ARHGAP44: variants seen among roughly 807,000 people sequenced by gnomAD.
ARHGAP44 encodes the protein Rho GTPase activating protein 44, also known as rho GTPase-activating protein 44.
In ARHGAP44, 43 loss-of-function variants were observed where a neutral mutation model predicts 106.8. The observed-to-expected ratio is 0.40, with a 90% CI of 0.32 to 0.52. ARHGAP44 has a LOEUF of 0.52. ARHGAP44 is among the 20% of genes least tolerant of loss of function. The probability of loss-of-function intolerance (pLI) is 0.48; values close to 1 mark genes in which losing one functional copy is unlikely to be tolerated. For synonymous variants in ARHGAP44, 439 were observed against 410.3 expected (o/e 1.07, Z -0.85); for missense variants, 866 against 1,050.5 (o/e 0.82, Z 2.43).
intron 7 of ARHGAP44, among the ~76,000 whole-genome samples, chr17:12,930,157 T>A (rs1207742087): frequency 1.3e-5 from 2 of 152,214 alleles, no homozygotes; most frequent in African/African-American, 4.8e-5. Flanking sequence ...CTGGCGTGTG[T>A]GGTATTCCTG....
intron 1 of ARHGAP44, among the ~76,000 whole-genome samples, chr17:12,861,280 G>A (rs897192853): frequency 5.3e-5 from 8 of 152,164 alleles, no homozygotes; most frequent in African/African-American, 1.9e-4. Flanking sequence ...GTGAGCCACC[G>A]TGTGCCTGGC....
At chr17:12,970,967 C>T (rs1419560059) in intron 16 of ARHGAP44, among the ~76,000 whole-genome samples, 2 of 152,100 alleles carry the variant, frequency 1.3e-5, no homozygotes, top group Non-Finnish European at 2.9e-5. Context: ...TTGCTGCTGC[C>T]GTTGTGATTG....
intron 20 of ARHGAP44, chr17:12,987,527 C>G (rs1355769727): frequency 5.8e-6 from 1 of 172,204 alleles, no homozygotes; most frequent in African/African-American, 2.4e-5. Flanking sequence ...CGCTTGTGCC[C>G]AGCACCCTGG....
intron 1 of ARHGAP44, among the ~76,000 whole-genome samples, chr17:12,842,223 C>A (rs956211267): frequency 2.0e-5 from 3 of 151,558 alleles, no homozygotes; most frequent in Admixed American, 2.0e-4. Context: ...CTAGCCTGAG[C>A]AACATAGTGA....
intron 4 of ARHGAP44, among the ~76,000 whole-genome samples, chr17:12,909,569 A>G (rs1046143413): frequency 1.3e-5 from 2 of 152,212 alleles, no homozygotes; most frequent in African/African-American, 4.8e-5. Flanking sequence ...ATCTTTAGTC[A>G]AAAGAAACTC....
intron 1 of ARHGAP44, among the ~76,000 whole-genome samples, chr17:12,892,069 C>A (rs1179155421): frequency 6.6e-6 from 1 of 152,192 alleles, no homozygotes; most frequent in Non-Finnish European, 1.5e-5. Flanking sequence ...GGATTGCAGG[C>A]GTGAGCCACT....
At position 12,930,537 on chromosome 17, in the gene ARHGAP44, C is replaced by T. The variant is rs1021563544; in HGVS notation, c.582+1491C>T. Among the ~76,000 whole-genome samples, 25 of 152,126 alleles carry T rather than the reference C, an allele frequency of 1.6e-4. 3 individuals carry two copies. Among genetic ancestry groups the T allele is most frequent in the Admixed American group, 1.5e-3 (23 of 15,272 alleles). On this transcript the variant is annotated intron_variant, in intron 7 of 20. Transcript: ENST00000379672. ...ACAGGCGTGAGCCACCGTGCCTGGC[C>T]TACCGTCTATTTTTTAACTATCTAC... is the stretch of plus-strand genomic sequence containing the variant.
intron 5 of ARHGAP44, chr17:12,917,315 A>C (rs12451747): frequency 0.44 from 68,539 of 154,190 alleles, 17,462 homozygotes; most frequent in Non-Finnish European, 0.57. Flanking sequence ...CAGAGAAGCC[A>C]GTAGCATGGC....
chr17:12,841,681 A>G (rs1392518427), intron 1 of ARHGAP44, among the ~76,000 whole-genome samples: 1 of 151,652 alleles, frequency 6.6e-6, no homozygotes, highest in Non-Finnish European at 1.5e-5. Context: ...CAGTCTTTGG[A>G]GGGACACGCA....
intron 1 of ARHGAP44, among the ~76,000 whole-genome samples, chr17:12,847,203 A>T (rs1455834369): frequency 6.6e-6 from 1 of 152,204 alleles, no homozygotes; most frequent in Non-Finnish European, 1.5e-5. Flanking sequence ...TGATTGGGCC[A>T]CACATGATTG....
Position 12,919,769 on chromosome 17 carries a change from T to C in ARHGAP44, c.402T>C (p.Asn134=). The part of the protein sequence containing the change: ...LFLLAEVEIP[N]IQKQRKHLAK... ...TGTAACCACAGGTGGAAATCCCAAA[T>C]ATTCAAAAGCAGAGGAAACACTTAG... Residue 134 remains asparagine, a synonymous_variant, in exon 6 of 21, where the codon AAT becomes AAC. Coordinates refer to ENST00000379672, the MANE Select transcript of ARHGAP44 (RefSeq NM_014859.6). The C allele has an allele frequency of 7.4e-6, 12 of 1,612,718 alleles. No individual in the cohort carries two copies. Among genetic ancestry groups the C allele is most frequent in the Non-Finnish European group, 9.3e-6 (11 of 1,179,348 alleles).
intron 7 of ARHGAP44, 136 bp downstream of exon 7, chr17:12,929,182 T>G: frequency 1.3e-6 from 1 of 749,010 alleles, no homozygotes; most frequent in Non-Finnish European, 2.2e-6. Context: ...GCCCGCCGGC[T>G]AGCATCTCCA....
At position 12,931,641 on chromosome 17, in the gene ARHGAP44, C is replaced by T. The variant is rs549306989; in HGVS notation, c.582+2595C>T. 1.1e-3 allele frequency among the ~76,000 whole-genome samples: 161 copies of T among 151,786 alleles called. 1 individual carries two copies. Among genetic ancestry groups the T allele is most frequent in the Non-Finnish European group, 1.2e-3 (79 of 67,932 alleles). On this transcript the variant is annotated intron_variant, in intron 7 of 20. Transcript: ENST00000379672. ...CCTCCCAAGTAGCTGGGACTACAGG[C>T]GCCCGCCACCACGCCCGGCTAATTT...
chr17:12,886,607 A>G (rs962381361), intron 1 of ARHGAP44, among the ~76,000 whole-genome samples: 1 of 152,030 alleles, frequency 6.6e-6, no homozygotes, highest in Non-Finnish European at 1.5e-5. Flanking sequence ...TCATGTGTTC[A>G]TTATTAGTAT....
chr17:12,887,284 A>G (rs1452500616), intron 1 of ARHGAP44, among the ~76,000 whole-genome samples: 1 of 152,074 alleles, frequency 6.6e-6, no homozygotes, highest in Admixed American at 6.6e-5. Context: ...CTGGAGTACA[A>G]AGGAGTGATC....
At chr17:12,842,480 A>G (rs1157036731) in intron 1 of ARHGAP44, among the ~76,000 whole-genome samples, 1 of 152,118 alleles carries the variant, frequency 6.6e-6, no homozygotes, top group Non-Finnish European at 1.5e-5. Context: ...AGGTTATCCA[A>G]GCATCCTGCT....
chr17:12,824,310 C>G (rs963563439), intron 1 of ARHGAP44, among the ~76,000 whole-genome samples: 25 of 152,188 alleles, frequency 1.6e-4, no homozygotes, highest in Admixed American at 1.2e-3. Context: ...ATTTTGCTTA[C>G]ATTTTTGAAA....
At chr17:12,838,555 G>C (rs2150824754) in intron 1 of ARHGAP44, among the ~76,000 whole-genome samples, 1 of 152,274 alleles carries the variant, frequency 6.6e-6, no homozygotes, top group East Asian at 1.9e-4. Context: ...GGTCTTAAGT[G>C]CGGTGGCAGT....
At chr17:12,813,977 A>G (rs983448573) in intron 1 of ARHGAP44, among the ~76,000 whole-genome samples, 3 of 152,184 alleles carry the variant, frequency 2.0e-5, no homozygotes, top group African/African-American at 7.2e-5. Flanking sequence ...TTTCATCTAA[A>G]TATTCAGAAG....
Sources: allele counts gnomAD v4.1 joint callset (sites outside exome capture counted in the v4.1 genomes callset), GRCh38; gene constraint gnomAD v4.1.1; transcripts MANE v1.5; gene names NCBI Gene and HGNC (gene_info 2026-07-23, HGNC 2026-07-21).